Variants in GRM5 observed in about 807,000 individuals in gnomAD.
The protein encoded by GRM5 is glutamate metabotropic receptor 5, also known as metabotropic glutamate receptor 5.
In GRM5, 19 loss-of-function variants were observed where a neutral mutation model predicts 83.1. The ratio of observed to expected loss-of-function variants is 0.23; its 90% confidence interval spans 0.16 to 0.34. GRM5 has a LOEUF of 0.34. Among genes scored for constraint, GRM5 ranks in the 10% least tolerant of loss-of-function variants. The probability of loss-of-function intolerance (pLI) is 1.00; values close to 1 mark genes in which losing one functional copy is unlikely to be tolerated. For missense variants in GRM5, 1,160 were observed against 1,588.3 expected (o/e 0.73, Z 4.58); for synonymous variants, 675 against 633.6 (o/e 1.07, Z -0.98).
At chr11:88,744,569 A>T (rs546935884) in intron 3 of GRM5, among the ~76,000 whole-genome samples, 1 of 152,214 alleles carries the variant, frequency 6.6e-6, no homozygotes, top group East Asian at 1.9e-4. Context: ...CCACCTTTCA[A>T]TCCCTACATG....
intron 3 of GRM5, among the ~76,000 whole-genome samples, chr11:88,844,068 C>CT (rs1291467188): frequency 3.9e-5 from 6 of 151,986 alleles, no homozygotes; most frequent in African/African-American, 7.3e-5. Context: ...ACAAAACAGC[C>CT]TTTTTTTGGA....
At chr11:89,059,386 A>G (rs1460774950) in intron 1 of GRM5, among the ~76,000 whole-genome samples, 2 of 152,186 alleles carry the variant, frequency 1.3e-5, no homozygotes, top group African/African-American at 4.8e-5. Context: ...ATATTCTTGA[A>G]TATATGAGAA....
intron 8 of GRM5, among the ~76,000 whole-genome samples, chr11:88,538,469 G>A (rs1383437002): frequency 6.6e-6 from 1 of 152,170 alleles, no homozygotes; most frequent in Non-Finnish European, 1.5e-5. Context: ...TTAACTATAA[G>A]AAGGGTCTCC....
At position 88,508,840 on chromosome 11, in the gene GRM5, C is replaced by A; in HGVS notation, c.3391G>T (p.Ala1131Ser). 6.4e-7 allele frequency: 1 copy of A among 1,552,314 alleles called. No individual in the cohort carries two copies. Among genetic ancestry groups the A allele is most frequent in the Non-Finnish European group, 8.7e-7 (1 of 1,149,862 alleles). Residue 1131 changes from alanine to serine, a missense_variant, in exon 10 of 10, where the codon GCA becomes TCA. By Grantham distance (99) the Ala-to-Ser change is moderately conservative. This residue lies in a region of GRM5 where 562 missense variants were observed against 532.4 expected (regional missense o/e 1.06). Coordinates refer to ENST00000305447, the MANE Select transcript of GRM5 (RefSeq NM_001143831.3). This position sits in a 1 kb window ranked among gnomAD's most constrained non-coding sequence, Gnocchi z 4.2. ...IEVTGGAQPA[A>S]GAQAAGDAAR... ...GCGTCCCCAGCCGCCTGCGCCCCTG[C>A]CGCGGGCTGCGCGCCTCCCGTGACT...
intron 3 of GRM5, among the ~76,000 whole-genome samples, chr11:88,777,868 G>C (rs866496902): frequency 3.9e-5 from 6 of 152,010 alleles, no homozygotes; most frequent in Admixed American, 3.9e-4. Flanking sequence ...GGTACCTGTC[G>C]GCCCCTACTT....
intron 3 of GRM5, among the ~76,000 whole-genome samples, chr11:88,826,010 T>C (rs1460413223): frequency 1.3e-5 from 2 of 152,180 alleles, no homozygotes; most frequent in Non-Finnish European, 2.9e-5. Flanking sequence ...TATTTTTATA[T>C]AAAAGAAAAT....
chr11:88,921,681 G>A (rs1945695988), intron 2 of GRM5, among the ~76,000 whole-genome samples: 1 of 151,916 alleles, frequency 6.6e-6, no homozygotes, highest in Admixed American at 6.6e-5. Context: ...GAAAGCCTTG[G>A]ATCTAAGATT....
intron 3 of GRM5, among the ~76,000 whole-genome samples, chr11:88,683,160 A>T (rs1004194787): frequency 1.3e-5 from 2 of 152,184 alleles, no homozygotes; most frequent in Admixed American, 6.5e-5. Context: ...TCATAGCTAC[A>T]ATGCCACCAC....
intron 2 of GRM5, among the ~76,000 whole-genome samples, chr11:88,950,872 G>C (rs534142915): frequency 6.6e-6 from 1 of 152,154 alleles, no homozygotes; most frequent in Non-Finnish European, 1.5e-5. Flanking sequence ...CAGGTTTGTC[G>C]TTAGGATCAA....
chr11:88,827,880 G>T lies in GRM5; in HGVS notation c.911+22026C>A, dbSNP rs563920500. Among the ~76,000 whole-genome samples the T allele has an allele frequency of 2.0e-5, 3 of 152,306 alleles. No individual in the cohort carries two copies. In the East Asian group the frequency reaches 5.8e-4, roughly 29 times the overall value. On this transcript the variant is annotated intron_variant, in intron 3 of 9. Coordinates refer to ENST00000305447, the MANE Select transcript of GRM5 (RefSeq NM_001143831.3). ...AAATTTTGTAGCAAATGTGCTACAT[G>T]TTATAAGGCAATACATATTATTGAC...
At chr11:88,832,282 T>G (rs1294834349) in intron 3 of GRM5, among the ~76,000 whole-genome samples, 1 of 152,150 alleles carries the variant, frequency 6.6e-6, no homozygotes, top group Admixed American at 6.5e-5. Context: ...AGTTGCAGGA[T>G]GCAAAATTAA....
chr11:88,753,669 A>T (rs1339444160), intron 3 of GRM5, among the ~76,000 whole-genome samples: 2 of 152,208 alleles, frequency 1.3e-5, no homozygotes, highest in African/African-American at 4.8e-5. Flanking sequence ...CATGGAATCA[A>T]CCTAAATCCC....
chr11:88,851,108 C>T (rs931863131), intron 2 of GRM5, among the ~76,000 whole-genome samples: 10 of 151,976 alleles, frequency 6.6e-5, no homozygotes, highest in Non-Finnish European at 1.5e-5. Context: ...GCTCCCTCTA[C>T]TTGTCTAAGG....
At chr11:88,874,289 A>G (rs2135565080) in intron 2 of GRM5, among the ~76,000 whole-genome samples, 1 of 152,018 alleles carries the variant, frequency 6.6e-6, no homozygotes, top group East Asian at 1.9e-4. Flanking sequence ...AAATCCATGC[A>G]TTTCCAGCCA....
chr11:88,650,835 C>A (rs1939612217), intron 4 of GRM5, among the ~76,000 whole-genome samples: 1 of 151,830 alleles, frequency 6.6e-6, no homozygotes, highest in African/African-American at 2.4e-5. Flanking sequence ...ATTTTAAGTT[C>A]CAATGTTTAA....
In GRM5 at chr11:88,711,959, C is replaced by T. The variant is rs188732428; in HGVS notation, c.912-58556G>A. Among the ~76,000 whole-genome samples the T allele has an allele frequency of 7.9e-4, 120 of 152,150 alleles. 1 individual carries two copies. The highest frequency in any genetic ancestry group is 2.8e-3 in the African/African-American group (118 of 41,526). On this transcript the variant is annotated intron_variant, in intron 3 of 9. Coordinates refer to ENST00000305447, the MANE Select transcript of GRM5 (RefSeq NM_001143831.3). ...TCCTACACTGTGAATTCCTTTAAGGCAAGCATTATGTCTCGTTCATTTTGC... is the reference window on the plus strand; with the variant it reads ...TCCTACACTGTGAATTCCTTTAAGGTAAGCATTATGTCTCGTTCATTTTGC...
intron 9 of GRM5, among the ~76,000 whole-genome samples, chr11:88,513,878 C>T (rs1198922734): frequency 6.6e-6 from 1 of 152,130 alleles, no homozygotes; most frequent in Non-Finnish European, 1.5e-5. Context: ...TATTCATTAA[C>T]ATTAAACCTT....
rs1396389 is a variant in GRM5 at position 88,975,235 on chromosome 11, G to A, written c.661+71977C>T. ...AGAGGACTATGAATAAAATCTTGAC[G>A]TTTCACAAACCGTGATGGCAGCCAA... On this transcript the variant is annotated intron_variant, in intron 2 of 9. Coordinates refer to ENST00000305447, the MANE Select transcript of GRM5 (RefSeq NM_001143831.3). 7.2e-5 allele frequency among the ~76,000 whole-genome samples: 11 copies of A among 152,288 alleles called. No homozygotes were observed. In the East Asian group the frequency reaches 7.7e-4, roughly 11 times the overall value.
At chr11:88,824,227 T>C (rs995398086) in intron 3 of GRM5, among the ~76,000 whole-genome samples, 4 of 152,196 alleles carry the variant, frequency 2.6e-5, no homozygotes, top group African/African-American at 9.7e-5. Flanking sequence ...GCTGTCAGTA[T>C]TGGAAGTTGT....
Sources: gnomAD v4.1 joint callset for allele counts (sites outside exome capture counted in the v4.1 genomes callset) on GRCh38, gnomAD v4.1.1 for gene constraint, gnomAD v4.1.1 regional missense constraint, Gnocchi (gnomAD v3.1) non-coding constraint, MANE v1.5 for transcripts, NCBI Gene and HGNC (gene_info 2026-07-23, HGNC 2026-07-21) for gene names.